Variants in NUP205 observed in about 807,000 individuals in gnomAD.
NUP205 encodes nuclear pore complex protein Nup205.
Under a neutral mutation model 253.8 loss-of-function variants are expected in NUP205, and 76 were observed. The ratio of observed to expected loss-of-function variants is 0.30; its 90% CI spans 0.25 to 0.36. NUP205 has a LOEUF of 0.36. Among genes scored for constraint, NUP205 ranks in the 10% least tolerant of loss-of-function variants. The pLI, the probability that NUP205 is intolerant of heterozygous loss-of-function variation, is 1.00. For missense variants in NUP205, 2,162 were observed against 2,425.5 expected (o/e 0.89, Z 2.28); for synonymous variants, 832 against 850.1 (o/e 0.98, Z 0.37).
intron 14 of NUP205, 109 bp from the exon 15 acceptor site, chr7:135,597,889 T>C (rs1793878773): frequency 1.2e-6 from 1 of 819,290 alleles, no homozygotes; most frequent in South Asian, 1.6e-5. Context: ...ATATCTGTTA[T>C]ATCTTTTGGT....
Position 135,644,938 on chromosome 7 carries a change from C to T in NUP205, c.5603C>T (p.Thr1868Ile), listed in dbSNP as rs1248553087. Residue 1868 changes from threonine to isoleucine, a missense_variant, in exon 40 of 43, where the codon ACT becomes ATT. By Grantham distance (89) the Thr-to-Ile change is moderately conservative. Around this residue, in one of 5 missense-constraint regions of NUP205, gnomAD observed 1,144 missense variants for 1,280.9 expected, o/e 0.89. Coordinates refer to ENST00000285968, the MANE Select transcript of NUP205 (RefSeq NM_015135.3). ...CCTGCTGGTGTTGATAAAATCTCCACTGCTCAGAAATATGTTCTAGCAAGA... is the reference window on the plus strand; with the variant it reads ...CCTGCTGGTGTTGATAAAATCTCCATTGCTCAGAAATATGTTCTAGCAAGA... Reference protein sequence around the residue: ...VMPAGVDKISTAQKYVLARRR... With the variant: ...VMPAGVDKISIAQKYVLARRR... 1 of 1,614,094 alleles carries T rather than the reference C, an allele frequency of 6.2e-7. No homozygotes were observed. The highest frequency in any genetic ancestry group is 8.5e-7 in the Non-Finnish European group (1 of 1,179,960).
Position 135,577,868 on chromosome 7 carries a change from T to C in NUP205, c.721T>C (p.Leu241=). ...TTTTGCCTGGGCTTGCCAGTCACCT[T>C]TAGGCAAAGAAGACACTCTCCTCCT... ...SLFAWACQSP[L]GKEDTLLLIG... The change falls in exon 6 of 43, where the codon TTA becomes CTA. Residue 241 remains leucine, a synonymous_variant. Coordinates refer to ENST00000285968, the MANE Select transcript of NUP205 (RefSeq NM_015135.3). 6.2e-7 allele frequency: 1 copy of C among 1,614,154 alleles called. No individual in the cohort carries two copies. The highest frequency in any genetic ancestry group is 8.5e-7 in the Non-Finnish European group (1 of 1,180,008).
intron 3 of NUP205, among the ~76,000 whole-genome samples, chr7:135,576,059 C>G (rs1806141479): frequency 6.6e-6 from 1 of 152,052 alleles, no homozygotes; most frequent in South Asian, 2.1e-4. Flanking sequence ...TTCCATGTCC[C>G]TGCTGGTGTT....
chr7:135,605,818 A>G (rs1470169277), intron 19 of NUP205, among the ~76,000 whole-genome samples: 2 of 151,704 alleles, frequency 1.3e-5, no homozygotes, highest in Non-Finnish European at 2.9e-5. Flanking sequence ...AACATTGACT[A>G]TATAATGAAG....
chr7:135,617,065 T>C (rs1794377349), intron 25 of NUP205, 25 bp from the exon 26 acceptor site: 1 of 1,565,628 alleles, frequency 6.4e-7, no homozygotes, highest in African/African-American at 1.4e-5. Flanking sequence ...CCAAGTAAAA[T>C]CAAATTACTT....
intron 2 of NUP205, among the ~76,000 whole-genome samples, chr7:135,571,968 C>T (rs1051533629): frequency 6.6e-6 from 1 of 152,126 alleles, no homozygotes; most frequent in South Asian, 2.1e-4. Context: ...CTGGTTCAAG[C>T]GTTCTTCCTG....
At chr7:135,580,040 T>C (rs548504709) in intron 7 of NUP205, among the ~76,000 whole-genome samples, 1 of 152,334 alleles carries the variant, frequency 6.6e-6, no homozygotes, top group South Asian at 2.1e-4. Flanking sequence ...TAGTAGGGGT[T>C]TATTCTAACA....
At chr7:135,570,084 G>A in intron 1 of NUP205, among the ~76,000 whole-genome samples, 1 of 144,936 alleles carries the variant, frequency 6.9e-6, no homozygotes, top group Non-Finnish European at 1.5e-5. Flanking sequence ...GAGAGAGAGA[G>A]AGAGAGAGAG....
At chr7:135,614,582 A>G (rs1202865431) in intron 23 of NUP205, among the ~76,000 whole-genome samples, 1 of 152,214 alleles carries the variant, frequency 6.6e-6, no homozygotes, top group Admixed American at 6.5e-5. Flanking sequence ...TGTTTTACGA[A>G]GATTTCTGAT....
At chr7:135,620,226 T>C (rs922303367) in intron 30 of NUP205, among the ~76,000 whole-genome samples, 1 of 152,166 alleles carries the variant, frequency 6.6e-6, no homozygotes, top group Non-Finnish European at 1.5e-5. Flanking sequence ...AGAGTACTTA[T>C]CTAGTTGATT....
At chr7:135,600,707 AG>A (rs1456586052) in intron 15 of NUP205, among the ~76,000 whole-genome samples, 162 bp from the exon 16 acceptor site, 1 of 152,238 alleles carries the variant, frequency 6.6e-6, no homozygotes, top group Non-Finnish European at 1.5e-5. Context: ...AGCAAAATAA[AG>A]CAAAATGAAT....
intron 1 of NUP205, among the ~76,000 whole-genome samples, chr7:135,559,320 T>G (rs1261893548): frequency 6.6e-6 from 1 of 152,246 alleles, no homozygotes; most frequent in Non-Finnish European, 1.5e-5. Flanking sequence ...TTAGATATGC[T>G]TAACGTGTGG....
intron 1 of NUP205, among the ~76,000 whole-genome samples, chr7:135,566,220 T>C (rs1805754408): frequency 6.6e-6 from 1 of 152,120 alleles, no homozygotes; most frequent in Non-Finnish European, 1.5e-5. Context: ...GAGATTCTTG[T>C]GCCTCAACCC....
At chr7:135,606,627 G>T in intron 20 of NUP205, 124 bp from the exon 21 acceptor site, 2 of 702,988 alleles carry the variant, frequency 2.8e-6, no homozygotes, top group African/African-American at 3.6e-5. Context: ...AAATGAATGT[G>T]ATAGATAATC....
At chr7:135,607,098 C>G in intron 21 of NUP205, 149 bp from the exon 22 acceptor site, 1 of 1,160,400 alleles carries the variant, frequency 8.6e-7, no homozygotes, top group South Asian at 1.6e-5. Context: ...TATAGAGAAT[C>G]AGCCTTTATC....
At chr7:135,594,921 C>T (rs1406551721) in intron 13 of NUP205, among the ~76,000 whole-genome samples, 192 bp downstream of exon 13, 1 of 152,144 alleles carries the variant, frequency 6.6e-6, no homozygotes, top group African/African-American at 2.4e-5. Context: ...TGGTTGATAA[C>T]ATCACTAGGT....
Position 135,591,376 on chromosome 7 carries a change from C to T in NUP205, c.1474-74C>T. On this transcript the variant is annotated intron_variant, in intron 10 of 42. Transcript: ENST00000285968. ...GCACTACTTTTAGTTTATATGTAGT[C>T]TTTATTAGCTAGTCCGTGTTGCCTT... The T allele has an allele frequency of 2.3e-6, 3 of 1,293,352 alleles. No individual in the cohort carries two copies. In the East Asian group the frequency reaches 7.0e-5, roughly 30 times the overall value. The allele number at this position is 1,293,352 out of a possible 1,614,324, so 80.1% of individuals were successfully genotyped here.
chr7:135,570,197 T>TTTTA (rs1402066201), intron 1 of NUP205, among the ~76,000 whole-genome samples: 2 of 151,952 alleles, frequency 1.3e-5, no homozygotes, highest in East Asian at 1.9e-4. Flanking sequence ...TCAGGATTTA[T>TTTTA]TTTATTTATT....
intron 8 of NUP205, among the ~76,000 whole-genome samples, chr7:135,585,261 A>T (rs953990879): frequency 1.3e-5 from 2 of 152,136 alleles, no homozygotes; most frequent in East Asian, 3.8e-4. Context: ...TATGGCTCAG[A>T]ATATGGCCTG....
Sources: gnomAD v4.1 joint callset for allele counts (sites outside exome capture counted in the v4.1 genomes callset) on GRCh38, gnomAD v4.1.1 for gene constraint, gnomAD v4.1.1 regional missense constraint, MANE v1.5 for transcripts, NCBI Gene and HGNC (gene_info 2026-07-23, HGNC 2026-07-21) for gene names.